Variants in ZFHX3 observed in about 807,000 individuals in gnomAD.
The protein encoded by ZFHX3 is zinc finger homeobox 3, also known as zinc finger homeobox protein 3.
In ZFHX3, 42 loss-of-function variants were observed where a neutral mutation model predicts 279.1. The observed-to-expected ratio is 0.15, with a 90% CI of 0.12 to 0.19. The LOEUF is 0.19. Ranked by LOEUF, ZFHX3 falls within the 10% of genes least tolerant of loss-of-function variation. The pLI is 1.00. For missense variants in ZFHX3, 4,981 were observed against 4,754.0 expected, an observed-to-expected ratio of 1.05 and a Z score of -1.40; for synonymous variants, 2,293 against 1,957.8, an observed-to-expected ratio of 1.17 and a Z score of -4.52.
intron 2 of ZFHX3, among the ~76,000 whole-genome samples, chr16:73,585,949 C>A (rs1212923685): frequency 6.6e-6 from 1 of 151,468 alleles, no homozygotes; most frequent in African/African-American, 2.4e-5. Context: ...ACCAACTAAT[C>A]CAAAAGAAGG....
intron 3 of ZFHX3, among the ~76,000 whole-genome samples, chr16:73,325,928 A>AAAAAAACACACAC (rs368062772): frequency 1.3e-4 from 19 of 145,572 alleles, no homozygotes; most frequent in South Asian, 2.2e-4. Flanking sequence ...CACACACACA[A>AAAAAAACACACAC]ACACACACAC....
At chr16:73,654,872 T>G (rs2052707998) in intron 2 of ZFHX3, among the ~76,000 whole-genome samples, 1 of 145,328 alleles carries the variant, frequency 6.9e-6, no homozygotes, top group Non-Finnish European at 1.5e-5. Context: ...TTTTTTTTTT[T>G]TTTTTTGAGA....
intron 1 of ZFHX3, among the ~76,000 whole-genome samples, chr16:73,795,717 C>A (rs58683121): frequency 0.022 from 3,324 of 152,248 alleles, 48 homozygotes; most frequent in African/African-American, 0.045. Context: ...GATCATCAAT[C>A]CCTTAACTAA....
chr16:73,597,829 A>G (rs891509166), intron 2 of ZFHX3, among the ~76,000 whole-genome samples: 2 of 152,228 alleles, frequency 1.3e-5, no homozygotes, highest in African/African-American at 4.8e-5. Context: ...GTTCATGCTG[A>G]TGTAGTACAG....
chr16:73,281,281 T>C (rs1385820594), intron 4 of ZFHX3, among the ~76,000 whole-genome samples: 5 of 152,276 alleles, frequency 3.3e-5, no homozygotes, highest in East Asian at 3.9e-4. Flanking sequence ...ATATACACAA[T>C]GGAATATTAT....
chr16:73,483,729 C>G (rs1241041806), intron 2 of ZFHX3, among the ~76,000 whole-genome samples: 1 of 152,058 alleles, frequency 6.6e-6, no homozygotes, highest in African/African-American at 2.4e-5. Flanking sequence ...AGGCTCGACA[C>G]AGTTTCGCTA....
chr16:73,405,507 T>C (rs1354102685), intron 3 of ZFHX3, among the ~76,000 whole-genome samples: 4 of 152,150 alleles, frequency 2.6e-5, no homozygotes, highest in Admixed American at 2.6e-4. Flanking sequence ...TGGATTGATC[T>C]CATCAAGACA....
chr16:73,799,975 C>T (rs934289327), intron 1 of ZFHX3, among the ~76,000 whole-genome samples: 5 of 151,916 alleles, frequency 3.3e-5, no homozygotes, highest in South Asian at 4.1e-4. Flanking sequence ...AGGATCTCCC[C>T]GAGATCAGCC....
intron 1 of ZFHX3, among the ~76,000 whole-genome samples, chr16:73,821,338 G>T (rs1247211567): frequency 6.6e-6 from 1 of 152,154 alleles, no homozygotes; most frequent in African/African-American, 2.4e-5. Flanking sequence ...GGAGGTATAT[G>T]GATTAGGTAC....
At chr16:73,692,803 G>A (rs116778612) in intron 1 of ZFHX3, among the ~76,000 whole-genome samples, 2,265 of 152,278 alleles carry the variant, frequency 0.015, 50 homozygotes, top group African/African-American at 0.051. Flanking sequence ...ACACTTAATC[G>A]TCTAATTATT....
At chr16:73,308,529 G>A (rs889016841) in intron 4 of ZFHX3, among the ~76,000 whole-genome samples, 2 of 151,804 alleles carry the variant, frequency 1.3e-5, no homozygotes, top group South Asian at 4.2e-4. Context: ...GACCAGGTGG[G>A]AGTTCACCAG....
At chr16:73,773,254 T>A (rs1473985002) in intron 1 of ZFHX3, among the ~76,000 whole-genome samples, 10 of 152,190 alleles carry the variant, frequency 6.6e-5, no homozygotes, top group Non-Finnish European at 1.5e-4. Flanking sequence ...TCACAGAAAG[T>A]TCTAGAGGAG....
intron 3 of ZFHX3, among the ~76,000 whole-genome samples, chr16:73,354,779 C>G (rs1385828665): frequency 6.6e-6 from 1 of 152,180 alleles, no homozygotes; most frequent in Admixed American, 6.5e-5. Flanking sequence ...TTTTCAGTCT[C>G]TAATTAGCAG....
chr16:73,007,512 T>A (rs1158991471), intron 1 of ZFHX3, among the ~76,000 whole-genome samples: 1 of 152,176 alleles, frequency 6.6e-6, no homozygotes, highest in East Asian at 1.9e-4. Flanking sequence ...AGTGGTGCGA[T>A]CTCGGCTCAC....
chr16:73,458,662 T>G (rs1307020545), intron 2 of ZFHX3, among the ~76,000 whole-genome samples: 2 of 152,174 alleles, frequency 1.3e-5, no homozygotes, highest in African/African-American at 4.8e-5. Flanking sequence ...TTTGTCTTGA[T>G]GCGGGTTGGC....
At chr16:72,877,674 T>C (rs1163885646) in intron 4 of ZFHX3, among the ~76,000 whole-genome samples, 1 of 152,134 alleles carries the variant, frequency 6.6e-6, no homozygotes, top group Admixed American at 6.5e-5. Context: ...ATTTGGTTTT[T>C]AGAAAAAAAA....
chr16:73,451,147 T>C (rs369589681), intron 3 of ZFHX3, among the ~76,000 whole-genome samples: 142 of 152,284 alleles, frequency 9.3e-4, no homozygotes, highest in Middle Eastern at 3.4e-3. Context: ...ATGAGATCAG[T>C]CAAGGGCCTG....
chr16:73,491,668 G>A (rs375329066), intron 2 of ZFHX3, among the ~76,000 whole-genome samples: 2 of 152,110 alleles, frequency 1.3e-5, no homozygotes, highest in Non-Finnish European at 2.9e-5. Flanking sequence ...ATAATGATAT[G>A]GTCTAAAATG....
chr16:73,477,863 C>T (rs1245185249), intron 2 of ZFHX3, among the ~76,000 whole-genome samples: 1 of 152,232 alleles, frequency 6.6e-6, no homozygotes, highest in Non-Finnish European at 1.5e-5. Context: ...TCTGAACTAG[C>T]ATCTCACACA....
Sources: gnomAD v4.1 joint callset for allele counts (sites outside exome capture counted in the v4.1 genomes callset) on GRCh38, gnomAD v4.1.1 for gene constraint, MANE v1.5 for transcripts, NCBI Gene and HGNC (gene_info 2026-07-23, HGNC 2026-07-21) for gene names.